The following NLRP14 variants were observed in gnomAD, a reference collection of about 807,000 sequenced individuals.
NLRP14 encodes the protein NLR family pyrin domain containing 14.
A neutral mutation model predicts 94.7 loss-of-function variants in NLRP14; 105 were observed. The ratio of observed to expected loss-of-function variants is 1.11; its 90% CI spans 0.95 to 1.30. The LOEUF is 1.30. Ranked by LOEUF, NLRP14 falls within the 50% of genes most tolerant of loss-of-function variation. NLRP14 has a pLI of 0.00. For synonymous variants in NLRP14, 508 were observed against 459.9 expected, an observed-to-expected ratio of 1.10 and a Z score of -1.34; for missense variants, 1,362 against 1,254.1, an observed-to-expected ratio of 1.09 and a Z score of -1.30.
chr11:7,057,408 C>A (rs2119675103), intron 6 of NLRP14, among the ~76,000 whole-genome samples: 1 of 152,116 alleles, frequency 6.6e-6, no homozygotes, highest in South Asian at 2.1e-4. Context: ...AAAATATTAT[C>A]ATTTAAAGAT....
chr11:7,020,601 G>A lies in NLRP14; in HGVS notation c.-191G>A, dbSNP rs1289704139. 1 of 152,314 alleles carries A rather than the reference G, an allele frequency of 6.6e-6. No individual in the cohort carries two copies. Among genetic ancestry groups the A allele is most frequent in the Non-Finnish European group, 1.5e-5 (1 of 68,146 alleles). 9.4% of individuals were successfully genotyped at this position (152,314 alleles called of 1,614,324 possible). On this transcript the variant is annotated 5_prime_UTR_variant, in exon 1 of 12. Coordinates refer to ENST00000299481, the MANE Select transcript of NLRP14 (RefSeq NM_176822.4). ...GGGAAAGGGGGCGTGGCTGGAAACG[G>A]AGCTACTGGCTTCGGAGAATTCTGT...
chr11:7,038,459 C>T (rs946354140), intron 1 of NLRP14, 107 bp from the exon 2 acceptor site: 33 of 939,594 alleles, frequency 3.5e-5, no homozygotes, highest in Non-Finnish European at 5.4e-5. Flanking sequence ...TGGGCTTCTG[C>T]AAATGTTTGT....
At chr11:7,084,209 A>G in the NLRP14 span, among the ~76,000 whole-genome samples, 1 of 152,178 alleles carries the variant, frequency 6.6e-6, no homozygotes, top group Non-Finnish European at 1.5e-5. Context: ...CCTCCTCACA[A>G]TATTCCAAAG....
At chr11:7,089,933 G>A in the NLRP14 span, 12 of 1,612,900 alleles carry the variant, frequency 7.4e-6, no homozygotes, top group African/African-American at 1.2e-4. Context: ...GTGACTACGG[G>A]GATCATCTGA....
the NLRP14 span, chr11:7,090,328 C>T: frequency 6.4e-7 from 1 of 1,559,100 alleles, no homozygotes; most frequent in South Asian, 1.2e-5. Flanking sequence ...CCAAAAATCC[C>T]TTTTCAACGA....
intron 1 of NLRP14, among the ~76,000 whole-genome samples, chr11:7,021,840 C>T (rs1851946162): frequency 1.3e-5 from 2 of 150,840 alleles, no homozygotes; most frequent in Non-Finnish European, 3.0e-5. Flanking sequence ...AGTTGAATTA[C>T]TGAATGCAGA....
chr11:7,060,009 G>C lies in NLRP14; in HGVS notation c.2749G>C (p.Val917Leu). 1 of 1,612,842 alleles carries C rather than the reference G, an allele frequency of 6.2e-7. No individual in the cohort carries two copies. Among genetic ancestry groups the C allele is most frequent in the Non-Finnish European group, 8.5e-7 (1 of 1,179,028 alleles). The change falls in exon 9 of 12, where the codon GTG becomes CTG. Residue 917 changes from valine to leucine, a missense_variant. Transcript: ENST00000299481. ...LGSNWLQDNG[V>L]KLLCDVFRHP... is the part of the protein sequence containing the mutation. ...ATCAAACTGGCTACAAGACAATGGA[G>C]TGAAGCTTCTGTGTGATGTCTTTCG...
At position 7,050,821 on chromosome 11, in the gene NLRP14, A is replaced by G. The variant is rs538969249; in HGVS notation, c.2291+983A>G. On this transcript the variant is annotated intron_variant, in intron 6 of 11. Transcript: ENST00000299481. ...GAGGCCAGGTCAGAGTAAAGGTTTT[A>G]CCTACTAAGCAGTTTTAAGATATTA... Among the ~76,000 whole-genome samples, 4 of 152,338 alleles carry G rather than the reference A, an allele frequency of 2.6e-5. No homozygotes were observed. The South Asian group carries it at 8.3e-4, about 32-fold the overall frequency.
At chr11:7,054,459 C>T (rs935377008) in intron 6 of NLRP14, among the ~76,000 whole-genome samples, 3 of 152,154 alleles carry the variant, frequency 2.0e-5, no homozygotes, top group African/African-American at 7.2e-5. Flanking sequence ...TCCACATCCT[C>T]ACCAGTATTT....
chr11:7,046,835 A>T lies in NLRP14; in HGVS notation c.2123+3A>T. ...AACTGTAAACTACAAAAGCTACTGT[A>T]AGTCTGGTATGAGAAAATTTAATGG... On this transcript the variant is annotated splice_donor_region_variant and intron_variant, in intron 5 of 11. Transcript: ENST00000299481. 1 of 1,608,690 alleles carries T rather than the reference A, an allele frequency of 6.2e-7. No individual in the cohort carries two copies. Among genetic ancestry groups the T allele is most frequent in the Non-Finnish European group, 8.5e-7 (1 of 1,175,200 alleles).
the NLRP14 span, among the ~76,000 whole-genome samples, chr11:7,078,642 G>A: frequency 6.6e-6 from 1 of 151,682 alleles, no homozygotes; most frequent in Admixed American, 6.6e-5. Context: ...ATACAAAAGA[G>A]CCGGGCATGG....
chr11:7,063,055 GTGTCA>G (rs1055416007), intron 10 of NLRP14, among the ~76,000 whole-genome samples: 3 of 152,084 alleles, frequency 2.0e-5, no homozygotes, highest in Non-Finnish European at 2.9e-5. Context: ...ATAATGACAT[GTGTCA>G]TCCTTTAGAA....
At chr11:7,034,029 C>T (rs1852130176) in intron 1 of NLRP14, among the ~76,000 whole-genome samples, 1 of 152,160 alleles carries the variant, frequency 6.6e-6, no homozygotes, top group Non-Finnish European at 1.5e-5. Flanking sequence ...AGTTTCTCCA[C>T]TGTCCCCACC....
At chr11:7,047,547 C>A (rs1436645439) in intron 5 of NLRP14, among the ~76,000 whole-genome samples, 1 of 151,984 alleles carries the variant, frequency 6.6e-6, no homozygotes, top group Admixed American at 6.6e-5. Context: ...CTGAGGAGAT[C>A]CTCCTGCCTC....
At chr11:7,074,698 CT>C (rs1852852165), downstream of NLRP14, among the ~76,000 whole-genome samples, 2 of 152,172 alleles carry the variant, frequency 1.3e-5, no homozygotes, top group African/African-American at 4.8e-5. Context: ...AGGCATAAGT[CT>C]CAAATCATCA....
At chr11:7,031,702 A>G (rs1852099414) in intron 1 of NLRP14, among the ~76,000 whole-genome samples, 1 of 152,062 alleles carries the variant, frequency 6.6e-6, no homozygotes, top group South Asian at 2.1e-4. Context: ...GTCTGAAGCT[A>G]TTCCCGCCAC....
chr11:7,059,801 A>T (rs1426665233), intron 8 of NLRP14, 93 bp from the exon 9 acceptor site: 1 of 1,108,782 alleles, frequency 9.0e-7, no homozygotes, highest in Non-Finnish European at 1.3e-6. Flanking sequence ...TGGCAAATAG[A>T]TAAGGGATCA....
At chr11:7,023,166 G>C (rs1014692534) in intron 1 of NLRP14, among the ~76,000 whole-genome samples, 22 of 151,426 alleles carry the variant, frequency 1.5e-4, no homozygotes, top group African/African-American at 5.3e-4. Flanking sequence ...CAGCAGATCA[G>C]ATCCACCAGA....
At chr11:7,085,848 T>G in the NLRP14 span, among the ~76,000 whole-genome samples, 2 of 152,198 alleles carry the variant, frequency 1.3e-5, no homozygotes, top group African/African-American at 4.8e-5. Flanking sequence ...TACACAGTGT[T>G]TTGTGAAATA....
Sources: gnomAD v4.1 joint callset for allele counts (sites outside exome capture counted in the v4.1 genomes callset) on GRCh38, gnomAD v4.1.1 for gene constraint, MANE v1.5 for transcripts, NCBI Gene and HGNC (gene_info 2026-07-23, HGNC 2026-07-21) for gene names.